The following RPN2 variants were observed in gnomAD, a reference collection of about 807,000 sequenced individuals.
RPN2 encodes ribophorin II.
Under a neutral mutation model 71.4 loss-of-function variants are expected in RPN2, and 29 were observed. That is an observed-to-expected ratio of 0.41 (90% CI 0.30 to 0.55). RPN2 has a LOEUF of 0.55. Among genes scored for constraint, RPN2 ranks in the 20% least tolerant of loss-of-function variants. RPN2 has a pLI of 0.35. For missense variants in RPN2, 726 were observed against 774.1 expected (o/e 0.94, Z 0.74); for synonymous variants, 308 against 305.0 (o/e 1.01, Z -0.10).
intron 4 of RPN2, among the ~76,000 whole-genome samples, chr20:37,201,754 G>A (rs1448651684): frequency 1.3e-5 from 2 of 152,052 alleles, no homozygotes; most frequent in Non-Finnish European, 2.9e-5. Context: ...ACTAATTTGC[G>A]CTATTAAAGG....
chr20:37,203,706 T>C (rs1334310444), intron 4 of RPN2, among the ~76,000 whole-genome samples, 179 bp from the exon 5 acceptor site: 1 of 152,218 alleles, frequency 6.6e-6, no homozygotes, highest in Non-Finnish European at 1.5e-5. Flanking sequence ...TGATGATCTT[T>C]TCCAGGTTTT....
chr20:37,223,012 T>C (rs1345061826), intron 9 of RPN2, among the ~76,000 whole-genome samples: 5 of 152,242 alleles, frequency 3.3e-5, no homozygotes, highest in African/African-American at 7.2e-5. Context: ...TTCCCCACGC[T>C]AGATTCTTTA....
chr20:37,235,800 G>A (rs146338757), intron 15 of RPN2, among the ~76,000 whole-genome samples: 3,189 of 151,742 alleles, frequency 0.021, 53 homozygotes, highest in Middle Eastern at 0.034. Context: ...ATAGGCCTGC[G>A]CCACCACACC....
rs760978193 is a variant in RPN2, at chr20:37,207,344, C to T, written c.762C>T (p.Ser254=). The T allele has an allele frequency of 5.0e-6, 8 of 1,613,896 alleles. No individual in the cohort carries two copies. Among genetic ancestry groups the T allele is most frequent in the Non-Finnish European group, 5.9e-6 (7 of 1,179,734 alleles). Residue 254 remains serine (S), a synonymous_variant, in exon 7 of 17, where the codon AGC becomes AGT. Coordinates refer to ENST00000237530, the MANE Select transcript of RPN2 (RefSeq NM_002951.5). ...KNFESLSEAF[S]VASAAAVLSH... is the part of the protein sequence containing the mutation. ...TTGAGTCCCTCTCCGAAGCCTTCAG[C>T]GTGGCCTCTGCAGCTGCTGTGCTCT...
intron 7 of RPN2, among the ~76,000 whole-genome samples, chr20:37,208,632 A>C (rs1654426950): frequency 6.6e-6 from 1 of 152,200 alleles, no homozygotes; most frequent in South Asian, 2.1e-4. Flanking sequence ...GCCTCTTTAT[A>C]GCACAGTCCT....
chr20:37,193,913 G>T lies in RPN2; in HGVS notation c.208-4484G>T, dbSNP rs1370640924. Among the ~76,000 whole-genome samples, 3 of 152,186 alleles carry T rather than the reference G, an allele frequency of 2.0e-5. No homozygotes were observed. In the East Asian group the frequency reaches 5.8e-4, roughly 29 times the overall value. ...GGATGGGATGGCCTAGGGAGGCAGG[G>T]GGTGGTGGGATGAGAGCCAGGCCTA... On this transcript the variant is annotated intron_variant, in intron 2 of 16. Coordinates refer to ENST00000237530, the MANE Select transcript of RPN2 (RefSeq NM_002951.5).
chr20:37,199,229 A>G lies in RPN2; in HGVS notation c.479+4A>G. On this transcript the variant is annotated splice_donor_region_variant and intron_variant, in intron 4 of 16. Transcript: ENST00000237530. Reference sequence around the variant, plus strand: ...GCAAGGAGGAGACTGTGCTGGCGTGAGTTGTCATCTCGAGCATTTCTCAGG... The same window carrying G: ...GCAAGGAGGAGACTGTGCTGGCGTGGGTTGTCATCTCGAGCATTTCTCAGG... 1 of 1,613,372 alleles carries G rather than the reference A, an allele frequency of 6.2e-7. No homozygotes were observed. Among genetic ancestry groups the G allele is most frequent in the Non-Finnish European group, 8.5e-7 (1 of 1,180,008 alleles).
chr20:37,236,752 A>G (rs1439077974), intron 16 of RPN2, 43 bp downstream of exon 16: 7 of 1,601,786 alleles, frequency 4.4e-6, no homozygotes, highest in Non-Finnish European at 6.0e-6. Context: ...AGGGTTAGAA[A>G]TACTCAGCTC....
chr20:37,234,173 AC>A, intron 15 of RPN2, 78 bp downstream of exon 15: 2 of 1,365,118 alleles, frequency 1.5e-6, no homozygotes, highest in Non-Finnish European at 2.1e-6. Flanking sequence ...TGTTAAGTAG[AC>A]CCACAACCTA....
chr20:37,238,729 G>A (rs771227203), intron 16 of RPN2: 19 of 678,904 alleles, frequency 2.8e-5, no homozygotes, highest in East Asian at 6.0e-5. Context: ...CTTATATCCC[G>A]TGGGGTACTT....
At chr20:37,240,819 C>T (rs1331365440) in intron 16 of RPN2, among the ~76,000 whole-genome samples, 4 of 152,164 alleles carry the variant, frequency 2.6e-5, no homozygotes, top group South Asian at 2.1e-4. Context: ...CACGGCCACA[C>T]GGCAGGAATG....
chr20:37,188,255 G>A (rs1200336995), intron 2 of RPN2, among the ~76,000 whole-genome samples: 8 of 151,618 alleles, frequency 5.3e-5, no homozygotes, highest in Non-Finnish European at 1.0e-4. Flanking sequence ...TGCAACCTCC[G>A]CCTGCTGGGT....
intron 7 of RPN2, among the ~76,000 whole-genome samples, chr20:37,209,833 A>G (rs1021978080): frequency 2.6e-5 from 4 of 152,096 alleles, no homozygotes; most frequent in African/African-American, 7.2e-5. Context: ...ATAGGGAATC[A>G]GAAAGAAGGC....
In RPN2 at chr20:37,241,551, TACCC is replaced by T. The variant is rs929968206; in HGVS notation, c.*238_*241del. The T allele has an allele frequency of 1.4e-5, 8 of 580,078 alleles. No individual in the cohort carries two copies. The highest frequency in any genetic ancestry group is 4.7e-4 in the Middle Eastern group (1 of 2,106). The allele number at this position is 580,078 out of a possible 1,614,324, so 35.9% of individuals were successfully genotyped here. ...TAAGAAGCTGTGAATATTCCTAACT[TACCC>T]AGATGTTGCTTTTGAAAAGTTGAAA... On this transcript the variant is annotated 3_prime_UTR_variant, in exon 17 of 17. Coordinates refer to ENST00000237530, the MANE Select transcript of RPN2 (RefSeq NM_002951.5).
Position 37,234,118 on chromosome 20 carries a change from T to C in RPN2, c.1753+23T>C, listed in dbSNP as rs775457933. The C allele has an allele frequency of 3.1e-6, 5 of 1,612,264 alleles. No individual in the cohort carries two copies. In the Admixed American group the frequency reaches 5.0e-5, roughly 16 times the overall value. Reference sequence around the variant, plus strand: ...CTGGTAAGTGCCCCAGGCTGCTAATTACCTGTAACGTCCTCTGACATTTAG... The same window carrying C: ...CTGGTAAGTGCCCCAGGCTGCTAATCACCTGTAACGTCCTCTGACATTTAG... On this transcript the variant is annotated intron_variant, in intron 15 of 16. Transcript: ENST00000237530.
chr20:37,204,670 A>G, intron 5 of RPN2, 97 bp from the exon 6 acceptor site: 1 of 1,290,936 alleles, frequency 7.7e-7, no homozygotes, highest in Non-Finnish European at 1.1e-6. Context: ...AGAGTGAGAG[A>G]TGTCACGAAG....
At chr20:37,235,059 G>T (rs1372076375) in intron 15 of RPN2, among the ~76,000 whole-genome samples, 1 of 152,148 alleles carries the variant, frequency 6.6e-6, no homozygotes, top group African/African-American at 2.4e-5. Flanking sequence ...TTCTGTAGGG[G>T]TGCATAGATA....
At chr20:37,179,631 C>G (rs2066796327) in intron 1 of RPN2, 3 of 789,546 alleles carry the variant, frequency 3.8e-6, no homozygotes, top group Non-Finnish European at 5.4e-6. Flanking sequence ...CCGTGGGGAC[C>G]GCGGACGCGC....
chr20:37,180,501 G>A (rs1157089613), intron 1 of RPN2, among the ~76,000 whole-genome samples: 1 of 152,158 alleles, frequency 6.6e-6, no homozygotes, highest in African/African-American at 2.4e-5. Context: ...TCGTTAACAT[G>A]GAGTGAGAAG....
Sources: gnomAD v4.1 joint callset for allele counts (sites outside exome capture counted in the v4.1 genomes callset) on GRCh38, gnomAD v4.1.1 for gene constraint, MANE v1.5 for transcripts, NCBI Gene and HGNC (gene_info 2026-07-23, HGNC 2026-07-21) for gene names.